MDGA2: variants seen among roughly 807,000 people sequenced by gnomAD.
The protein encoded by MDGA2 is MAM domain containing glycosylphosphatidylinositol anchor 2, also known as MAM domain-containing glycosylphosphatidylinositol anchor protein 2.
A neutral mutation model predicts 117.8 loss-of-function variants in MDGA2; 40 were observed. The observed-to-expected ratio is 0.34, with a 90% CI of 0.26 to 0.44. MDGA2 has a LOEUF of 0.44. Among genes scored for constraint, MDGA2 ranks in the 20% least tolerant of loss-of-function variants. MDGA2 has a pLI of 1.00. For missense variants in MDGA2, 1,123 were observed against 1,250.6 expected, an observed-to-expected ratio of 0.90 and a Z score of 1.54; for synonymous variants, 452 against 439.0, an observed-to-expected ratio of 1.03 and a Z score of -0.37.
chr14:47,420,337 A>C (rs1193229299), intron 1 of MDGA2, among the ~76,000 whole-genome samples: 1 of 152,164 alleles, frequency 6.6e-6, no homozygotes, highest in African/African-American at 2.4e-5. Flanking sequence ...GGAATGAGAT[A>C]GACTATATCT....
At chr14:46,916,519 G>T (rs997478308) in intron 10 of MDGA2, among the ~76,000 whole-genome samples, 1 of 151,780 alleles carries the variant, frequency 6.6e-6, no homozygotes, top group Non-Finnish European at 1.5e-5. Context: ...ATTGTATCTA[G>T]AATACTTTTG....
At chr14:46,956,048 T>C (rs1301696603) in intron 9 of MDGA2, among the ~76,000 whole-genome samples, 3 of 152,126 alleles carry the variant, frequency 2.0e-5, no homozygotes, top group African/African-American at 7.2e-5. Flanking sequence ...TATGCTTTCC[T>C]AGATTAGACT....
At chr14:47,507,435 A>T (rs1011681370) in intron 1 of MDGA2, among the ~76,000 whole-genome samples, 1 of 152,232 alleles carries the variant, frequency 6.6e-6, no homozygotes, top group Non-Finnish European at 1.5e-5. Flanking sequence ...TTGGGAAAAT[A>T]AGCTCAATGT....
chr14:47,613,107 T>C (rs1421815545), intron 1 of MDGA2, among the ~76,000 whole-genome samples: 1 of 152,186 alleles, frequency 6.6e-6, no homozygotes, highest in Non-Finnish European at 1.5e-5. Context: ...AGTTTTCTCA[T>C]TTCTTTTTCA....
At chr14:47,028,302 T>C (rs1051410614) in intron 8 of MDGA2, among the ~76,000 whole-genome samples, 12 of 152,114 alleles carry the variant, frequency 7.9e-5, no homozygotes, top group Non-Finnish European at 1.3e-4. Context: ...TGAGTATAAA[T>C]TTATATTATG....
rs543501621 is a variant in MDGA2 at position 47,396,997 on chromosome 14, T to A, written c.281-95447A>T. Among the ~76,000 whole-genome samples the A allele has an allele frequency of 1.4e-4, 21 of 152,276 alleles. No individual in the cohort carries two copies. The South Asian group carries it at 3.9e-3, about 29-fold the overall frequency. The stretch of plus-strand genomic sequence containing the variant: ...CCATTACTGGGTATATCCCAAAGGA[T>A]TATAAATCATTCTACTATAAAGACA... On this transcript the variant is annotated intron_variant, in intron 1 of 16. Transcript: ENST00000399232.
chr14:47,658,828 A>AAAAT (rs1897792871), intron 1 of MDGA2, among the ~76,000 whole-genome samples: 1 of 152,184 alleles, frequency 6.6e-6, no homozygotes, highest in African/African-American at 2.4e-5. Flanking sequence ...AAAGAGAGTA[A>AAAAT]ACAGAATTCT....
intron 9 of MDGA2, among the ~76,000 whole-genome samples, chr14:46,943,604 C>G (rs1885071220): frequency 6.6e-6 from 1 of 152,048 alleles, no homozygotes; most frequent in African/African-American, 2.4e-5. Context: ...TTCCATACTT[C>G]ATGATTCTCT....
intron 10 of MDGA2, among the ~76,000 whole-genome samples, chr14:46,918,862 C>G (rs1214566066): frequency 1.3e-5 from 2 of 150,710 alleles, no homozygotes; most frequent in African/African-American, 4.9e-5. Context: ...CCCAGGTTCA[C>G]GCCATTCTCC....
intron 1 of MDGA2, among the ~76,000 whole-genome samples, chr14:47,661,750 T>C (rs1385943365): frequency 2.8e-5 from 4 of 144,982 alleles, no homozygotes; most frequent in Admixed American, 1.4e-4. Context: ...GAGTTTCTTT[T>C]TTTTTTTTTT....
At chr14:47,601,832 T>C (rs1896653945) in intron 1 of MDGA2, among the ~76,000 whole-genome samples, 2 of 152,184 alleles carry the variant, frequency 1.3e-5, no homozygotes, top group Admixed American at 1.3e-4. Context: ...TATGGGCCTA[T>C]GCTAAAAGAC....
chr14:46,985,221 T>G (rs1886818211), intron 8 of MDGA2, among the ~76,000 whole-genome samples: 2 of 152,016 alleles, frequency 1.3e-5, no homozygotes, highest in African/African-American at 4.8e-5. Context: ...CTTATAAAGA[T>G]TAAATGAAAT....
intron 5 of MDGA2, among the ~76,000 whole-genome samples, chr14:47,102,025 C>A (rs1440800642): frequency 6.6e-6 from 1 of 152,034 alleles, no homozygotes; most frequent in Non-Finnish European, 1.5e-5. Flanking sequence ...TCATTGACTT[C>A]TTAGGTGCTT....
intron 1 of MDGA2, among the ~76,000 whole-genome samples, chr14:47,472,727 G>A (rs571315946): frequency 6.6e-6 from 1 of 152,218 alleles, no homozygotes; most frequent in African/African-American, 2.4e-5. Context: ...GATGTTTAAT[G>A]CAAGAAGCTG....
intron 1 of MDGA2, among the ~76,000 whole-genome samples, chr14:47,635,359 T>A (rs1486756745): frequency 3.3e-5 from 5 of 152,244 alleles, no homozygotes; most frequent in African/African-American, 1.2e-4. Context: ...AAATGAGACA[T>A]ACAACAGAAT....
intron 1 of MDGA2, among the ~76,000 whole-genome samples, chr14:47,604,076 TAA>T (rs1476537955): frequency 6.6e-6 from 1 of 152,160 alleles, no homozygotes; most frequent in East Asian, 1.9e-4. Context: ...TATTTCTTTA[TAA>T]ATTACCTGGT....
chr14:47,086,458 G>T (rs1594605205), intron 6 of MDGA2, among the ~76,000 whole-genome samples: 1 of 151,996 alleles, frequency 6.6e-6, no homozygotes, highest in South Asian at 2.1e-4. Context: ...AATTTGTCAG[G>T]TTGCTAATTC....
intron 7 of MDGA2, among the ~76,000 whole-genome samples, chr14:47,053,868 T>C (rs540325999): frequency 6.6e-6 from 1 of 151,842 alleles, no homozygotes; most frequent in East Asian, 1.9e-4. Context: ...ATATTCCAAA[T>C]TGCCATTAAA....
At chr14:47,422,898 A>AT (rs1334165525) in intron 1 of MDGA2, among the ~76,000 whole-genome samples, 3 of 152,182 alleles carry the variant, frequency 2.0e-5, no homozygotes, top group African/African-American at 7.2e-5. Context: ...AAATAGATGG[A>AT]TTTTAAATAG....
Sources: gnomAD v4.1 joint callset for allele counts (sites outside exome capture counted in the v4.1 genomes callset) on GRCh38, gnomAD v4.1.1 for gene constraint, MANE v1.5 for transcripts, NCBI Gene and HGNC (gene_info 2026-07-23, HGNC 2026-07-21) for gene names.